CNTNAP5: variants seen among roughly 807,000 people sequenced by gnomAD.
The protein encoded by CNTNAP5 is contactin-associated protein-like 5.
In CNTNAP5, 72 loss-of-function variants were observed where a neutral mutation model predicts 150.2. The observed-to-expected ratio is 0.48, with a 90% confidence interval of 0.40 to 0.58. The LOEUF is 0.58. CNTNAP5 is among the 20% of genes least tolerant of loss of function. The pLI is 0.00. For missense variants in CNTNAP5, 1,636 were observed against 1,626.2 expected (o/e 1.01, Z -0.10); for synonymous variants, 672 against 619.8 (o/e 1.08, Z -1.25).
intron 17 of CNTNAP5, among the ~76,000 whole-genome samples, chr2:124,782,033 A>C (rs1182018142): frequency 6.6e-6 from 1 of 152,154 alleles, no homozygotes; most frequent in Non-Finnish European, 1.5e-5. Context: ...ATATGTATAT[A>C]TGTGTGCATA....
chr2:124,307,808 C>A (rs982430175), intron 3 of CNTNAP5, among the ~76,000 whole-genome samples: 1 of 152,150 alleles, frequency 6.6e-6, no homozygotes, highest in Non-Finnish European at 1.5e-5. Context: ...TGTTGATACT[C>A]ACTGCTTTAT....
At chr2:124,715,948 G>C (rs890669982) in intron 13 of CNTNAP5, among the ~76,000 whole-genome samples, 4 of 152,194 alleles carry the variant, frequency 2.6e-5, no homozygotes, top group African/African-American at 9.6e-5. Flanking sequence ...CCCTCCCATT[G>C]AAATATACCA....
intron 19 of CNTNAP5, among the ~76,000 whole-genome samples, chr2:124,854,875 T>C: frequency 6.6e-6 from 1 of 152,096 alleles, no homozygotes; most frequent in East Asian, 1.9e-4. Context: ...TTGGGGCAAG[T>C]GGGGACCTGG....
chr2:124,691,918 C>T (rs1679308282), intron 13 of CNTNAP5, among the ~76,000 whole-genome samples: 1 of 152,144 alleles, frequency 6.6e-6, no homozygotes, highest in Non-Finnish European at 1.5e-5. Flanking sequence ...GCCTAGGCTG[C>T]CTTGCCACTA....
chr2:124,224,921 A>G (rs1686418868), intron 2 of CNTNAP5, among the ~76,000 whole-genome samples: 1 of 152,166 alleles, frequency 6.6e-6, no homozygotes, highest in Non-Finnish European at 1.5e-5. Context: ...GCTTAGAAGC[A>G]ATTATAACAC....
intron 10 of CNTNAP5, among the ~76,000 whole-genome samples, chr2:124,555,577 A>C (rs978523208): frequency 2.0e-5 from 3 of 152,216 alleles, no homozygotes; most frequent in African/African-American, 4.8e-5. Context: ...TGCAATAAAA[A>C]GTTTGGTAGG....
intron 19 of CNTNAP5, among the ~76,000 whole-genome samples, chr2:124,799,563 G>T (rs1288151705): frequency 3.3e-5 from 5 of 152,258 alleles, no homozygotes; most frequent in Non-Finnish European, 7.3e-5. Flanking sequence ...TGCACGGACA[G>T]TGGTGGAACC....
intron 1 of CNTNAP5, among the ~76,000 whole-genome samples, chr2:124,172,426 CT>C (rs1263525246): frequency 6.6e-6 from 1 of 151,792 alleles, no homozygotes; most frequent in Non-Finnish European, 1.5e-5. Context: ...TTCTTTCTTT[CT>C]TTTGAGACAT....
At chr2:124,861,276 A>G (rs996298264) in intron 19 of CNTNAP5, among the ~76,000 whole-genome samples, 1 of 152,040 alleles carries the variant, frequency 6.6e-6, no homozygotes, top group Non-Finnish European at 1.5e-5. Context: ...GTTTATTTCT[A>G]AAAATAATGA....
At chr2:124,565,663 G>A (rs1390625165) in intron 11 of CNTNAP5, among the ~76,000 whole-genome samples, 3 of 132,362 alleles carry the variant, frequency 2.3e-5, no homozygotes, top group East Asian at 2.7e-4. Flanking sequence ...GCAGTGGCGC[G>A]ATCTCGGCTC....
At chr2:124,242,688 A>G (rs953942279) in intron 3 of CNTNAP5, among the ~76,000 whole-genome samples, 1 of 152,106 alleles carries the variant, frequency 6.6e-6, no homozygotes, top group East Asian at 1.9e-4. Context: ...AAACAGATAA[A>G]TGTACCAAAA....
rs191456556 is a variant in CNTNAP5 at position 124,434,803 on chromosome 2, T to C, written c.733+116T>C. ...GGAAGTCACTGGAGCACAATATAAG[T>C]GATATTGGTGGGGATAGAAATGTTT... is the stretch of plus-strand genomic sequence containing the variant. On this transcript the variant is annotated intron_variant, in intron 5 of 23. Transcript: ENST00000682447. 22 of 825,034 alleles carry C rather than the reference T, an allele frequency of 2.7e-5. No individual in the cohort carries two copies. The East Asian group carries it at 5.9e-4, about 22-fold the overall frequency. 51.1% of individuals were successfully genotyped at this position (825,034 alleles called of 1,614,324 possible).
intron 4 of CNTNAP5, among the ~76,000 whole-genome samples, chr2:124,421,545 CT>C (rs1692103920): frequency 6.6e-6 from 1 of 152,210 alleles, no homozygotes; most frequent in South Asian, 2.1e-4. Context: ...GTAGAAGCCT[CT>C]GTCAGTTCTT....
intron 10 of CNTNAP5, among the ~76,000 whole-genome samples, chr2:124,559,841 G>A (rs1056378946): frequency 2.0e-5 from 3 of 152,128 alleles, no homozygotes; most frequent in African/African-American, 7.2e-5. Context: ...TTACAGATGA[G>A]TTTTTCTAAT....
rs5834084 is a variant in CNTNAP5 at position 124,697,611 on chromosome 2, GAA to G, written c.2078-49602_2078-49601del. ...GATCTGAAAGGACATCCCTTAGTTT[GAA>G]AAAAAAAAAAAAAAAGCTGTACCCT... On this transcript the variant is annotated intron_variant, in intron 13 of 23. Transcript: ENST00000682447. 4.7e-3 allele frequency among the ~76,000 whole-genome samples: 601 copies of G among 128,396 alleles called. 8 individuals carry two copies. The highest frequency in any genetic ancestry group is 0.04 in the South Asian group (154 of 3,860). 84.2% of individuals were successfully genotyped at this position (128,396 alleles called of 152,430 possible).
intron 1 of CNTNAP5, among the ~76,000 whole-genome samples, chr2:124,182,936 CA>C (rs1237301313): frequency 1.3e-5 from 2 of 152,136 alleles, no homozygotes; most frequent in African/African-American, 4.8e-5. Flanking sequence ...CCTTCCTTAC[CA>C]AGGAGCCTCT....
intron 5 of CNTNAP5, among the ~76,000 whole-genome samples, chr2:124,436,251 A>G (rs139656080): frequency 9.2e-5 from 14 of 152,304 alleles, no homozygotes; most frequent in Admixed American, 6.5e-4. Flanking sequence ...CATTTCAGAT[A>G]TGGCATTTCA....
chr2:124,280,236 C>A (rs1214340421), intron 3 of CNTNAP5, among the ~76,000 whole-genome samples: 1 of 151,894 alleles, frequency 6.6e-6, no homozygotes, highest in Non-Finnish European at 1.5e-5. Flanking sequence ...AGCACGATCT[C>A]AGCTCACTGA....
At chr2:124,143,881 A>G (rs1201418706) in intron 1 of CNTNAP5, among the ~76,000 whole-genome samples, 2 of 98,750 alleles carry the variant, frequency 2.0e-5, no homozygotes, top group Non-Finnish European at 3.9e-5. Flanking sequence ...ATGATTGTTT[A>G]TCTAGAAAAC....
Sources: allele counts gnomAD v4.1 joint callset (sites outside exome capture counted in the v4.1 genomes callset), GRCh38; gene constraint gnomAD v4.1.1; transcripts MANE v1.5; gene names NCBI Gene and HGNC (gene_info 2026-07-23, HGNC 2026-07-21).